Variants in ABLIM1 observed in about 807,000 individuals in gnomAD.
ABLIM1 encodes the protein actin binding LIM protein 1.
ABLIM1 carries 40 observed loss-of-function variants against 107.0 expected under a neutral mutation model. That is an observed-to-expected ratio of 0.37 (90% CI 0.29 to 0.49). The LOEUF (loss-of-function observed/expected upper bound fraction) is 0.49, where lower values mean the gene tolerates loss of function less well. Ranked by LOEUF, ABLIM1 falls within the 20% of genes least tolerant of loss-of-function variation. ABLIM1 has a pLI of 0.97. For synonymous variants in ABLIM1, 357 were observed against 357.3 expected (o/e 1.00, Z 0.01); for missense variants, 857 against 1,008.5 (o/e 0.85, Z 2.04).
At chr10:114,465,932 T>A (rs1233290647) in intron 11 of ABLIM1, 105 bp from the exon 12 acceptor site, 1 of 1,296,204 alleles carries the variant, frequency 7.7e-7, no homozygotes, top group Non-Finnish European at 1.1e-6. Flanking sequence ...TTATATATAT[T>A]TGATTAATAT....
chr10:114,708,748 T>C (rs1183924189), intron 1 of ABLIM1, among the ~76,000 whole-genome samples: 1 of 152,226 alleles, frequency 6.6e-6, no homozygotes, highest in Non-Finnish European at 1.5e-5. Flanking sequence ...TTCTAGGTGA[T>C]AAAATCTGGG....
At chr10:114,748,726 A>C (rs2082442120) in intron 1 of ABLIM1, among the ~76,000 whole-genome samples, 1 of 149,172 alleles carries the variant, frequency 6.7e-6, no homozygotes, top group Admixed American at 6.8e-5. Context: ...ACATGATCAT[A>C]GCTCAGTGCA....
At chr10:114,704,302 C>CTCTCTATATATATATATATATA (rs1380460034) in intron 1 of ABLIM1, among the ~76,000 whole-genome samples, 6 of 43,088 alleles carry the variant, frequency 1.4e-4, no homozygotes, top group Non-Finnish European at 2.8e-4. Flanking sequence ...CTCTCTCTCT[C>CTCTCTATATATATATATATATA]TATATATATA....
the ABLIM1 span, among the ~76,000 whole-genome samples, chr10:114,787,749 G>T: frequency 2.9e-5 from 4 of 139,420 alleles, no homozygotes; most frequent in Non-Finnish European, 6.4e-5. Context: ...CGTCCGGGAG[G>T]TGAGGGGAGC....
At chr10:114,454,307 T>C (rs1281509296) in intron 12 of ABLIM1, among the ~76,000 whole-genome samples, 1 of 152,090 alleles carries the variant, frequency 6.6e-6, no homozygotes, top group African/African-American at 2.4e-5. Flanking sequence ...TGACATGCAA[T>C]TGTTTACTCT....
At chr10:114,739,006 C>T (rs898023084) in intron 1 of ABLIM1, among the ~76,000 whole-genome samples, 18 of 152,170 alleles carry the variant, frequency 1.2e-4, no homozygotes, top group African/African-American at 3.9e-4. Context: ...TTAAAATCTC[C>T]AGAATAGGCA....
intron 1 of ABLIM1, among the ~76,000 whole-genome samples, chr10:114,739,840 T>C (rs1199229585): frequency 4.6e-5 from 7 of 152,122 alleles, no homozygotes; most frequent in African/African-American, 1.7e-4. Context: ...TGCTAGAAAA[T>C]AAACTGAAAA....
At chr10:114,579,851 T>A (rs2073136073) in intron 2 of ABLIM1, among the ~76,000 whole-genome samples, 1 of 152,180 alleles carries the variant, frequency 6.6e-6, no homozygotes, top group Non-Finnish European at 1.5e-5. Flanking sequence ...TTAATCACAG[T>A]AATGTTAAGA....
chr10:114,438,251 TTTTG>T (rs1285008841), intron 21 of ABLIM1, among the ~76,000 whole-genome samples: 3 of 152,066 alleles, frequency 2.0e-5, no homozygotes, highest in African/African-American at 7.2e-5. Flanking sequence ...GGCACGTGTT[TTTTG>T]TTTTTGTTTT....
At chr10:114,642,931 T>C (rs2078816011) in intron 1 of ABLIM1, among the ~76,000 whole-genome samples, 2 of 152,132 alleles carry the variant, frequency 1.3e-5, no homozygotes, top group Non-Finnish European at 2.9e-5. Flanking sequence ...CCTGCCAAAA[T>C]GTCCGAGAAC....
intron 1 of ABLIM1, among the ~76,000 whole-genome samples, chr10:114,711,566 G>GA: frequency 6.6e-6 from 1 of 152,266 alleles, no homozygotes; most frequent in Admixed American, 6.5e-5. Flanking sequence ...TGGAGAACTT[G>GA]AAAAAGGTTT....
intron 1 of ABLIM1, among the ~76,000 whole-genome samples, chr10:114,617,318 A>G (rs1218948857): frequency 2.1e-5 from 3 of 146,248 alleles, no homozygotes; most frequent in Non-Finnish European, 4.5e-5. Flanking sequence ...CTGGAGTGCA[A>G]TGGCGCGATC....
chr10:114,466,288 C>T (rs147920344), intron 11 of ABLIM1, among the ~76,000 whole-genome samples: 5 of 151,576 alleles, frequency 3.3e-5, no homozygotes, highest in Admixed American at 6.6e-5. Flanking sequence ...CCAGCCTGGA[C>T]GACAGAGTGA....
In ABLIM1 at chr10:114,444,127, G is replaced by GTGAAT; in HGVS notation, c.1834_1835insATTCA (p.Ser612TyrfsTer8). The GTGAAT allele has an allele frequency of 6.4e-7, 1 of 1,566,976 alleles. No homozygotes were observed. Among genetic ancestry groups the GTGAAT allele is most frequent in the Non-Finnish European group, 8.6e-7 (1 of 1,160,824 alleles). On this transcript the variant is annotated frameshift_variant, in exon 17 of 23. Coordinates refer to ENST00000533213, the MANE Select transcript of ABLIM1 (RefSeq NM_002313.7). LOFTEE classifies it high-confidence loss of function. Reference sequence around the variant, plus strand: ...TTTCAAGATCAACTGTCCCAGGCCTGAGTTAAGCTATTCACAGAAAAAAGG... The same window carrying GTGAAT: ...TTTCAAGATCAACTGTCCCAGGCCTGTGAATAGTTAAGCTATTCACAGAAAAAAGG...
intron 1 of ABLIM1, among the ~76,000 whole-genome samples, chr10:114,642,484 A>C (rs1158898224): frequency 6.6e-6 from 1 of 152,232 alleles, no homozygotes; most frequent in Non-Finnish European, 1.5e-5. Flanking sequence ...TTCCTAGCAT[A>C]GAGAAAACTT....
intron 2 of ABLIM1, among the ~76,000 whole-genome samples, chr10:114,595,659 C>G (rs1366440582): frequency 1.3e-5 from 2 of 152,162 alleles, no homozygotes; most frequent in Non-Finnish European, 2.9e-5. Flanking sequence ...ATACCATAAG[C>G]TTTTGGGATC....
At chr10:114,451,531 AAGC>A in intron 14 of ABLIM1, 90 bp downstream of exon 14, 1 of 1,207,688 alleles carries the variant, frequency 8.3e-7, no homozygotes. Flanking sequence ...TTACTCTCAA[AAGC>A]AGCAGCAGGA....
intron 1 of ABLIM1, among the ~76,000 whole-genome samples, chr10:114,697,366 C>T (rs1379541978): frequency 6.6e-6 from 1 of 152,264 alleles, no homozygotes; most frequent in Non-Finnish European, 1.5e-5. Flanking sequence ...AAGGCTTCTC[C>T]TGCCCTGGGG....
Position 114,505,553 on chromosome 10 carries a change from T to A in ABLIM1, c.895-13675A>T, listed in dbSNP as rs768656165. Reference sequence around the variant, plus strand: ...CATTTGGTGGGAAGGAATAGGGCAGTATCAGATAACATAACAAGTGCCCTT... The same window carrying A: ...CATTTGGTGGGAAGGAATAGGGCAGAATCAGATAACATAACAAGTGCCCTT... On this transcript the variant is annotated intron_variant, in intron 6 of 22. Transcript: ENST00000533213. Among the ~76,000 whole-genome samples the A allele has an allele frequency of 3.9e-5, 6 of 152,232 alleles. No homozygotes were observed. The East Asian group carries it at 1.2e-3, about 29-fold the overall frequency.
Sources: gnomAD v4.1 joint callset for allele counts (sites outside exome capture counted in the v4.1 genomes callset) on GRCh38, gnomAD v4.1.1 for gene constraint, MANE v1.5 for transcripts, NCBI Gene and HGNC (gene_info 2026-07-23, HGNC 2026-07-21) for gene names.